The following ADGRG2 variants were observed in gnomAD, a reference collection of about 807,000 sequenced individuals.
The protein encoded by ADGRG2 is adhesion G protein-coupled receptor G2, also known as G protein-coupled receptor 64.
ADGRG2 carries 26 observed loss-of-function variants against 74.1 expected under a neutral mutation model. The observed-to-expected ratio is 0.35, with a 90% confidence interval of 0.26 to 0.49. The LOEUF (loss-of-function observed/expected upper bound fraction) is 0.49, where lower values mean the gene tolerates loss of function less well. ADGRG2 is among the 20% of genes least tolerant of loss of function. ADGRG2 has a pLI of 0.99. For missense variants in ADGRG2, 619 were observed against 763.1 expected (o/e 0.81, Z 2.22); for synonymous variants, 296 against 295.2 (o/e 1.00, Z -0.03).
Position 19,023,345 on chromosome X carries a change from T to TA in ADGRG2, c.548+70dup, listed in dbSNP as rs779386185. Reference sequence around the variant, plus strand: ...ACCCCCTTTGCATTTGCAATTTAACTAAGACTCCTTAATACTTTATTTCTC... The same window carrying TA: ...ACCCCCTTTGCATTTGCAATTTAACTAAAGACTCCTTAATACTTTATTTCTC... On this transcript the variant is annotated intron_variant, in intron 13 of 28. Transcript: ENST00000379869. The TA allele has an allele frequency of 1.9e-5, 12 of 616,110 alleles. No individual in the cohort carries two copies. The East Asian group carries it at 4.2e-4, about 21-fold the overall frequency. 50.8% of individuals were successfully genotyped at this position (616,110 alleles called of 1,213,427 possible).
At chrX:19,100,760 C>A (rs954707811) in intron 1 of ADGRG2, among the ~76,000 whole-genome samples, 2 of 112,958 alleles carry the variant, frequency 1.8e-5, no homozygotes, top group African/African-American at 6.4e-5. Context: ...GAATGCATGG[C>A]TGAATGAATG....
In ADGRG2 at chrX:19,053,023, T is replaced by C. The variant is rs58040712; in HGVS notation, c.119-12799A>G. On this transcript the variant is annotated intron_variant, in intron 3 of 28. Transcript: ENST00000379869. ...TCTTAACCATTTTTAAGTGTACAGT[T>C]TGGTTGCATTAAGTATGTCCACATG... Among the ~76,000 whole-genome samples the C allele has an allele frequency of 7.9e-3, 885 of 111,826 alleles. 8 individuals are homozygous for C. The highest frequency in any genetic ancestry group is 0.028 in the African/African-American group (861 of 30,763).
intron 1 of ADGRG2, among the ~76,000 whole-genome samples, chrX:19,105,953 AG>A: frequency 2.8e-5 from 3 of 105,523 alleles, no homozygotes; most frequent in Middle Eastern, 4.8e-3. Context: ...AAAAAAAAGA[AG>A]AAGAAGAAGA....
intron 3 of ADGRG2, among the ~76,000 whole-genome samples, chrX:19,050,536 C>A (rs1043720068): frequency 3.6e-5 from 4 of 111,557 alleles, no homozygotes; most frequent in Non-Finnish European, 7.5e-5. Context: ...TAGATGGACA[C>A]AATGGCGGAG....
chrX:19,112,551 A>G (rs991957603), intron 1 of ADGRG2, among the ~76,000 whole-genome samples: 2 of 109,627 alleles, frequency 1.8e-5, no homozygotes, highest in African/African-American at 6.7e-5. Context: ...TACCCTGAGA[A>G]GGATATAATG....
At chrX:19,110,087 A>G (rs1254482825) in intron 1 of ADGRG2, among the ~76,000 whole-genome samples, 1 of 111,914 alleles carries the variant, frequency 8.9e-6, no homozygotes, top group Non-Finnish European at 1.9e-5. Flanking sequence ...GATTAAATGT[A>G]TCATTTATTC....
At chrX:19,050,573 C>T (rs2061299507) in intron 3 of ADGRG2, among the ~76,000 whole-genome samples, 1 of 111,533 alleles carries the variant, frequency 9.0e-6, no homozygotes, top group Non-Finnish European at 1.9e-5. Context: ...CCTGGCTGCA[C>T]ATTAATATCA....
At chrX:19,106,111 G>A (rs1300416973) in intron 1 of ADGRG2, among the ~76,000 whole-genome samples, 1 of 110,549 alleles carries the variant, frequency 9.0e-6, no homozygotes, top group Non-Finnish European at 1.9e-5. Flanking sequence ...GGCAATGGGA[G>A]TTTAGTCCTT....
At chrX:19,121,526 A>G (rs188973677) in intron 1 of ADGRG2, among the ~76,000 whole-genome samples, 5 of 110,636 alleles carry the variant, frequency 4.5e-5, no homozygotes, top group East Asian at 5.7e-4. Flanking sequence ...TCGTCTCCCA[A>G]TCTCCCACTT....
chrX:19,107,220 A>G (rs1222043591), intron 1 of ADGRG2, among the ~76,000 whole-genome samples: 2 of 112,320 alleles, frequency 1.8e-5, no homozygotes, highest in Non-Finnish European at 3.8e-5. Context: ...CCGCATATGC[A>G]TTTTAACAAG....
intron 1 of ADGRG2, among the ~76,000 whole-genome samples, chrX:19,102,977 T>A (rs749103999): frequency 7.2e-5 from 8 of 111,584 alleles, no homozygotes; most frequent in Admixed American, 2.9e-4. Context: ...GTCAGAGGCA[T>A]TTGAGCCAGA....
At chrX:19,062,911 TG>T (rs1180242626) in intron 3 of ADGRG2, among the ~76,000 whole-genome samples, 3 of 110,097 alleles carry the variant, frequency 2.7e-5, no homozygotes, top group African/African-American at 1.0e-4. Flanking sequence ...AAGACAACTC[TG>T]CAAGAATGAA....
intron 1 of ADGRG2, among the ~76,000 whole-genome samples, chrX:19,110,304 G>C: frequency 9.0e-6 from 1 of 111,012 alleles, no homozygotes; most frequent in East Asian, 2.8e-4. Context: ...TGATATAGAA[G>C]GTAACCTGGT....
intron 15 of ADGRG2, among the ~76,000 whole-genome samples, chrX:19,014,286 A>G (rs2060420843): frequency 9.1e-6 from 1 of 110,397 alleles, no homozygotes; most frequent in Non-Finnish European, 1.9e-5. Context: ...CTGGGAGAGG[A>G]ATGGGCAAGG....
chrX:19,086,198 C>T (rs937661224), intron 1 of ADGRG2, among the ~76,000 whole-genome samples: 2 of 111,415 alleles, frequency 1.8e-5, no homozygotes. Context: ...TGAGCACCAG[C>T]GCTTCAGTGA....
chrX:19,008,868 A>C (rs2146558532), intron 18 of ADGRG2, among the ~76,000 whole-genome samples: 1 of 111,572 alleles, frequency 9.0e-6, no homozygotes, highest in Non-Finnish European at 1.9e-5. Flanking sequence ...TGTAAAGGGA[A>C]GACTATGAAA....
chrX:19,116,229 G>C (rs1056461716), intron 1 of ADGRG2, among the ~76,000 whole-genome samples: 2 of 109,353 alleles, frequency 1.8e-5, no homozygotes, highest in Non-Finnish European at 3.8e-5. Flanking sequence ...GAAAAAAAAA[G>C]TCCGGGCGCA....
At chrX:19,048,675 G>A (rs910465031) in intron 3 of ADGRG2, among the ~76,000 whole-genome samples, 17 of 111,818 alleles carry the variant, frequency 1.5e-4, no homozygotes, top group African/African-American at 4.6e-4. Flanking sequence ...ATCATTCCCC[G>A]CCCTTCCCAG....
chrX:19,024,873 C>T (rs2060666400), intron 11 of ADGRG2, among the ~76,000 whole-genome samples: 1 of 112,476 alleles, frequency 8.9e-6, no homozygotes, highest in Non-Finnish European at 1.9e-5. Context: ...GAGACCACCT[C>T]CTGGGCTCAA....
Sources: allele counts gnomAD v4.1 joint callset (sites outside exome capture counted in the v4.1 genomes callset), GRCh38; gene constraint gnomAD v4.1.1; transcripts MANE v1.5; gene names NCBI Gene and HGNC (gene_info 2026-07-23, HGNC 2026-07-21).